The following LRRK2 variants were observed in gnomAD, a reference collection of about 807,000 sequenced individuals.
The protein encoded by LRRK2 is leucine-rich repeat serine/threonine-protein kinase 2.
Under a neutral mutation model 302.6 loss-of-function variants are expected in LRRK2, and 203 were observed. The ratio of observed to expected loss-of-function variants is 0.67; its 90% CI spans 0.60 to 0.75. LRRK2 has a LOEUF of 0.75. LRRK2 is among the 30% of genes least tolerant of loss of function. LRRK2 has a pLI of 0.00. For synonymous variants in LRRK2, 1,066 were observed against 1,031.9 expected (o/e 1.03, Z -0.63); for missense variants, 2,830 against 2,951.0 (o/e 0.96, Z 0.95).
chr12:40,326,467 A>G (rs974915146), intron 38 of LRRK2, among the ~76,000 whole-genome samples: 1 of 145,862 alleles, frequency 6.9e-6, no homozygotes, highest in South Asian at 2.2e-4. Flanking sequence ...CTCTGTCTCA[A>G]AAAAAAAAAG....
intron 19 of LRRK2, among the ~76,000 whole-genome samples, chr12:40,284,434 T>A (rs990293772): frequency 5.3e-5 from 8 of 150,644 alleles, no homozygotes; most frequent in African/African-American, 1.9e-4. Flanking sequence ...AAAGGAAATA[T>A]AAAATTATAA....
Position 40,296,474 on chromosome 12 carries a change from T to C in LRRK2, c.3096+830T>C, listed in dbSNP as rs150904965. On this transcript the variant is annotated intron_variant, in intron 23 of 50. Transcript: ENST00000298910. ...AGCAAAATCCTGTCTCTACCAAAAA[T>C]ATGAAAAATTAGCCAGGTGTGGTGG... Among the ~76,000 whole-genome samples, 71 of 151,988 alleles carry C rather than the reference T, an allele frequency of 4.7e-4. No homozygotes were observed. The East Asian group carries it at 9.3e-3, about 20-fold the overall frequency.
rs139971538 is a variant in LRRK2, at chr12:40,243,593, T to C, written c.750T>C (p.Tyr250=). 4.6e-5 allele frequency: 74 copies of C among 1,612,112 alleles called. No homozygotes were observed. Among genetic ancestry groups the C allele is most frequent in the Non-Finnish European group, 6.1e-5 (72 of 1,178,732 alleles). Residue 250 remains tyrosine (Y), a synonymous_variant, in exon 7 of 51, where the codon TAT becomes TAC. Transcript: ENST00000298910. ...EVLMSGNVRC[Y]NIVVEAMKAF... is the part of the protein sequence containing the mutation. ...TCATGAGTGGCAATGTCAGGTGTTATAATATTGTGGTGGAAGCTATGAAAG... is the reference window on the plus strand; with the variant it reads ...TCATGAGTGGCAATGTCAGGTGTTACAATATTGTGGTGGAAGCTATGAAAG...
chr12:40,312,480 T>C (rs1945066512), intron 31 of LRRK2, among the ~76,000 whole-genome samples: 1 of 152,138 alleles, frequency 6.6e-6, no homozygotes, highest in Admixed American at 6.6e-5. Flanking sequence ...TTTTAATCTA[T>C]TAGAGATCAT....
rs562873304 is a variant in LRRK2 at position 40,245,219 on chromosome 12, T to C, written c.838+1538T>C. 7.6e-4 allele frequency among the ~76,000 whole-genome samples: 116 copies of C among 152,248 alleles called. 1 individual carries two copies. Among genetic ancestry groups the C allele is most frequent in the African/African-American group, 2.6e-3 (110 of 41,556 alleles). ...AAATCTTACTCGTTTGTTAAACTGTTGCAGTTTGTTTTTGTAAAGAACCCA... is the reference window on the plus strand; with the variant it reads ...AAATCTTACTCGTTTGTTAAACTGTCGCAGTTTGTTTTTGTAAAGAACCCA... On this transcript the variant is annotated intron_variant, in intron 7 of 50. Transcript: ENST00000298910.
rs1302234530 is a variant in LRRK2 at position 40,368,873 on chromosome 12, A to G, written c.*1108A>G. ...CATAGCTTACCACAATAGGAGTATC[A>G]GGGCCAAATACCTATGTAATAATTT... On this transcript the variant is annotated 3_prime_UTR_variant, in exon 51 of 51. Transcript: ENST00000298910. The G allele has an allele frequency of 6.6e-6, 1 of 151,854 alleles. No homozygotes were observed. Among genetic ancestry groups the G allele is most frequent in the Non-Finnish European group, 1.5e-5 (1 of 67,780 alleles). 9.4% of individuals were successfully genotyped at this position (151,854 alleles called of 1,614,324 possible). A position where few individuals can be genotyped will look rare whatever the true frequency, so the allele number is the denominator to read the frequency against.
intron 40 of LRRK2, among the ~76,000 whole-genome samples, chr12:40,337,302 C>G (rs1945900601): frequency 6.6e-6 from 1 of 152,202 alleles, no homozygotes; most frequent in Admixed American, 6.5e-5. Flanking sequence ...CTCTCTCTTC[C>G]TCCATCTTGC....
intron 13 of LRRK2, among the ~76,000 whole-genome samples, chr12:40,259,868 G>T (rs541751227): frequency 4.1e-4 from 62 of 152,224 alleles, no homozygotes; most frequent in African/African-American, 1.5e-3. Flanking sequence ...TTTAAGGAGG[G>T]TGTTCATCTC....
chr12:40,362,543 AGT>A (rs1311599299), intron 47 of LRRK2, among the ~76,000 whole-genome samples: 1 of 152,006 alleles, frequency 6.6e-6, no homozygotes, highest in Non-Finnish European at 1.5e-5. Flanking sequence ...CTCATAATCT[AGT>A]GTGAGGGATG....
intron 44 of LRRK2, among the ~76,000 whole-genome samples, chr12:40,353,557 A>T (rs1299046671): frequency 2.0e-5 from 3 of 149,272 alleles, no homozygotes; most frequent in Non-Finnish European, 3.0e-5. Context: ...CCAGGCAGAG[A>T]CGCTCCTCAC....
Position 40,308,590 on chromosome 12 carries a change from T to A in LRRK2, c.4083T>A (p.Asp1361Glu). 1 of 1,614,026 alleles carries A rather than the reference T, an allele frequency of 6.2e-7. No individual in the cohort carries two copies. The highest frequency in any genetic ancestry group is 1.1e-5 in the South Asian group (1 of 91,086). The change falls in exon 29 of 51, where the codon GAT becomes GAA. Residue 1361 changes from aspartate (D) to glutamate (E), a missense_variant. Coordinates refer to ENST00000298910, the MANE Select transcript of LRRK2 (RefSeq NM_198578.4). ...LQQLMKTKKS[D>E]LGMQSATVGI... ...AATTAATGAAAACCAAGAAATCAGA[T>A]CTTGGAATGCAAAGTGCCACAGTTG...
At chr12:40,275,589 C>A (rs1247993411) in intron 16 of LRRK2, among the ~76,000 whole-genome samples, 1 of 150,772 alleles carries the variant, frequency 6.6e-6, no homozygotes, top group Non-Finnish European at 1.5e-5. Flanking sequence ...GTGGAGTTTG[C>A]AACTTTCATA....
At chr12:40,302,711 G>T in intron 25 of LRRK2, 78 bp from the exon 26 acceptor site, 1 of 979,960 alleles carries the variant, frequency 1.0e-6, no homozygotes, top group East Asian at 2.4e-5. Context: ...CACACTATTG[G>T]TAGCTGTTCT....
rs1565734765 is a variant in LRRK2 at position 40,305,877 on chromosome 12, AT to A, written c.3872del (p.Leu1291Ter). 4.3e-6 allele frequency: 7 copies of A among 1,613,582 alleles called. No individual in the cohort carries two copies. The highest frequency in any genetic ancestry group is 5.9e-6 in the Non-Finnish European group (7 of 1,179,754). ...LRSFPNEMGKLSKIWDLPLDE... is the reference protein window; with the variant it reads ...LRSFPNEMGKXSKIWDLPLDE... ...GATCCTTTCCCAATGAAATGGGGAA[AT>A]TAAGCAAAATATGGGATCTTCCTTT... On this transcript the variant is annotated frameshift_variant, in exon 28 of 51. Transcript: ENST00000298910. LOFTEE classifies it high-confidence loss of function.
At chr12:40,356,420 T>TG (rs1216028127) in intron 46 of LRRK2, among the ~76,000 whole-genome samples, 1 of 152,222 alleles carries the variant, frequency 6.6e-6, no homozygotes, top group Non-Finnish European at 1.5e-5. Flanking sequence ...GACATCTGAT[T>TG]GATAATATTG....
chr12:40,301,390 C>T (rs1944619677), intron 25 of LRRK2, among the ~76,000 whole-genome samples: 1 of 152,134 alleles, frequency 6.6e-6, no homozygotes, highest in South Asian at 2.1e-4. Flanking sequence ...GGCCACAGCA[C>T]TCCAGCCTGG....
At chr12:40,303,106 A>T (rs1484937369) in intron 26 of LRRK2, among the ~76,000 whole-genome samples, 7 of 152,146 alleles carry the variant, frequency 4.6e-5, no homozygotes, top group Admixed American at 2.0e-4. Flanking sequence ...ACAACTTAAG[A>T]TTGTTTAATT....
At chr12:40,235,449 C>T (rs1941406921) in intron 3 of LRRK2, among the ~76,000 whole-genome samples, 177 bp from the exon 4 acceptor site, 1 of 152,098 alleles carries the variant, frequency 6.6e-6, no homozygotes, top group Non-Finnish European at 1.5e-5. Flanking sequence ...GCATTCCAGC[C>T]TGGGTGACAC....
chr12:40,238,372 C>A (rs1286450076), intron 5 of LRRK2, among the ~76,000 whole-genome samples: 1 of 152,018 alleles, frequency 6.6e-6, no homozygotes, highest in African/African-American at 2.4e-5. Flanking sequence ...ACTTTGAAAA[C>A]TGGATGTGTG....
Sources: gnomAD v4.1 joint callset for allele counts (sites outside exome capture counted in the v4.1 genomes callset) on GRCh38, gnomAD v4.1.1 for gene constraint, MANE v1.5 for transcripts, NCBI Gene and HGNC (gene_info 2026-07-23, HGNC 2026-07-21) for gene names.